Variants in GPC6 observed in about 807,000 individuals in gnomAD.
GPC6 encodes glypican 6.
GPC6 carries 14 observed loss-of-function variants against 55.2 expected under a neutral mutation model. The ratio of observed to expected loss-of-function variants is 0.25; its 90% confidence interval spans 0.17 to 0.40. The LOEUF (loss-of-function observed/expected upper bound fraction) is 0.40, where lower values mean the gene tolerates loss of function less well. Among genes scored for constraint, GPC6 ranks in the 10% least tolerant of loss-of-function variants. The probability of loss-of-function intolerance (pLI) is 1.00; values close to 1 mark genes in which losing one functional copy is unlikely to be tolerated. For synonymous variants in GPC6, 278 were observed against 259.6 expected (o/e 1.07, Z -0.68); for missense variants, 641 against 708.5 (o/e 0.90, Z 1.08).
At chr13:93,933,630 A>C (rs1878290496) in intron 3 of GPC6, among the ~76,000 whole-genome samples, 1 of 152,176 alleles carries the variant, frequency 6.6e-6, no homozygotes, top group Non-Finnish European at 1.5e-5. Context: ...AAAGTATATA[A>C]AATCCTTAGA....
In GPC6 at chr13:94,045,785, C is replaced by T. The variant is rs1197557889; in HGVS notation, c.877+17891C>T. On this transcript the variant is annotated intron_variant, in intron 4 of 8. Coordinates refer to ENST00000377047, the MANE Select transcript of GPC6 (RefSeq NM_005708.5). ...AATGCCCTACCATGACACACACTCT[C>T]TACCATTGCCATACCCACATCTACT... 1.3e-5 allele frequency among the ~76,000 whole-genome samples: 2 copies of T among 151,086 alleles called. 1 individual carries two copies. Among genetic ancestry groups the T allele is most frequent in the South Asian group, 4.2e-4 (2 of 4,796 alleles).
intron 1 of GPC6, among the ~76,000 whole-genome samples, chr13:93,497,025 A>G (rs1880327544): frequency 6.6e-6 from 1 of 152,212 alleles, no homozygotes; most frequent in African/African-American, 2.4e-5. Context: ...CGATGCGTTA[A>G]TCCGAGGAAG....
At chr13:93,392,591 G>A (rs775692509) in intron 1 of GPC6, among the ~76,000 whole-genome samples, 3 of 152,170 alleles carry the variant, frequency 2.0e-5, no homozygotes, top group Non-Finnish European at 4.4e-5. Context: ...CATACTGATG[G>A]CTCAGCATCA....
intron 4 of GPC6, among the ~76,000 whole-genome samples, chr13:94,105,557 G>A (rs1223439300): frequency 1.3e-5 from 2 of 152,128 alleles, no homozygotes; most frequent in Admixed American, 6.5e-5. Flanking sequence ...CAGCATAGAG[G>A]TATAACCTCA....
At chr13:94,287,156 AGT>A (rs199684601) in intron 5 of GPC6, among the ~76,000 whole-genome samples, 2,744 of 152,274 alleles carry the variant, frequency 0.018, 95 homozygotes, top group African/African-American at 0.063. Context: ...AGAAGTTTGC[AGT>A]GGGTCTCCCG....
At chr13:93,399,207 C>G (rs111382771) in intron 1 of GPC6, among the ~76,000 whole-genome samples, 1,644 of 152,270 alleles carry the variant, frequency 0.011, 30 homozygotes, top group African/African-American at 0.037. Context: ...AATGGAAAAC[C>G]TGAAAGTGCC....
At chr13:93,604,447 T>G (rs1878152403) in intron 2 of GPC6, among the ~76,000 whole-genome samples, 1 of 152,168 alleles carries the variant, frequency 6.6e-6, no homozygotes, top group Admixed American at 6.5e-5. Context: ...AGACTTACAA[T>G]CTTTAGCTTA....
At chr13:93,674,311 G>A (rs1244831336) in intron 2 of GPC6, among the ~76,000 whole-genome samples, 1 of 152,060 alleles carries the variant, frequency 6.6e-6, no homozygotes, top group Non-Finnish European at 1.5e-5. Flanking sequence ...TTCACTTTGG[G>A]ACTATGTTTT....
chr13:93,435,234 C>T (rs1202713038), intron 1 of GPC6, among the ~76,000 whole-genome samples: 4 of 152,030 alleles, frequency 2.6e-5, no homozygotes, highest in African/African-American at 9.7e-5. Context: ...CCTGCCTCAG[C>T]CTCCTGAGTA....
chr13:93,764,051 C>T (rs1885036476), intron 2 of GPC6, among the ~76,000 whole-genome samples: 1 of 152,072 alleles, frequency 6.6e-6, no homozygotes, highest in Non-Finnish European at 1.5e-5. Flanking sequence ...TAGGTACCTC[C>T]CTGCCAATCA....
chr13:93,438,003 T>C (rs950920563), intron 1 of GPC6, among the ~76,000 whole-genome samples: 1 of 152,186 alleles, frequency 6.6e-6, no homozygotes, highest in Non-Finnish European at 1.5e-5. Flanking sequence ...TTAAGAATTA[T>C]GATAAATCCA....
chr13:93,613,530 AAC>A (rs10573990), intron 2 of GPC6, among the ~76,000 whole-genome samples: 45,079 of 139,486 alleles, frequency 0.32, 7,129 homozygotes, highest in Middle Eastern at 0.49. Context: ...ACACACACAA[AAC>A]ACACACACAC....
rs372453251 is a variant in GPC6, at chr13:93,844,551, T to A, written c.711+14006T>A. 3.3e-5 allele frequency among the ~76,000 whole-genome samples: 5 copies of A among 151,408 alleles called. No individual in the cohort carries two copies. The East Asian group carries it at 9.8e-4, about 30-fold the overall frequency. Reference sequence around the variant, plus strand: ...TGTAGATTCTGGATATTAGCCCTTTTTCAGATGAGTAGGTTGCGAAAATTT... The same window carrying A: ...TGTAGATTCTGGATATTAGCCCTTTATCAGATGAGTAGGTTGCGAAAATTT... On this transcript the variant is annotated intron_variant, in intron 3 of 8. Transcript: ENST00000377047.
Position 93,306,109 on chromosome 13 carries a change from G to A in GPC6, c.160+78493G>A, listed in dbSNP as rs557481731. Reference sequence around the variant, plus strand: ...ACACATAAAGTAATTATGCAGTGGGGTACTGAACAGTCACATTCCAATGTA... The same window carrying A: ...ACACATAAAGTAATTATGCAGTGGGATACTGAACAGTCACATTCCAATGTA... On this transcript the variant is annotated intron_variant, in intron 1 of 8. Coordinates refer to ENST00000377047, the MANE Select transcript of GPC6 (RefSeq NM_005708.5). 2.6e-5 allele frequency among the ~76,000 whole-genome samples: 4 copies of A among 152,252 alleles called. No individual in the cohort carries two copies. The East Asian group carries it at 7.7e-4, about 29-fold the overall frequency.
At chr13:93,331,323 C>T (rs919720183) in intron 1 of GPC6, among the ~76,000 whole-genome samples, 1 of 147,912 alleles carries the variant, frequency 6.8e-6, no homozygotes, top group Non-Finnish European at 1.5e-5. Context: ...GAAAATTATC[C>T]ATTCTCACTG....
intron 1 of GPC6, among the ~76,000 whole-genome samples, chr13:93,429,576 G>T (rs1373872302): frequency 6.6e-6 from 1 of 152,132 alleles, no homozygotes; most frequent in Non-Finnish European, 1.5e-5. Flanking sequence ...AAACTAGGCA[G>T]CAGATTAAAA....
intron 3 of GPC6, among the ~76,000 whole-genome samples, chr13:93,973,270 T>G (rs1880368614): frequency 6.6e-6 from 1 of 152,184 alleles, no homozygotes; most frequent in Non-Finnish European, 1.5e-5. Flanking sequence ...GGTACTTATG[T>G]ATCTAAACAT....
intron 1 of GPC6, among the ~76,000 whole-genome samples, chr13:93,346,845 T>C (rs1880447545): frequency 6.6e-6 from 1 of 152,218 alleles, no homozygotes; most frequent in African/African-American, 2.4e-5. Flanking sequence ...TAGCATTATG[T>C]AGATACATTT....
intron 4 of GPC6, among the ~76,000 whole-genome samples, chr13:94,213,446 G>A (rs553417007): frequency 1.2e-4 from 19 of 152,324 alleles, no homozygotes; most frequent in African/African-American, 4.6e-4. Context: ...AAACAAAGTG[G>A]TTTAGAATAA....
Sources: allele counts gnomAD v4.1 joint callset (sites outside exome capture counted in the v4.1 genomes callset), GRCh38; gene constraint gnomAD v4.1.1; transcripts MANE v1.5; gene names NCBI Gene and HGNC (gene_info 2026-07-23, HGNC 2026-07-21).